ADCY2: variants seen among roughly 807,000 people sequenced by gnomAD.
ADCY2 encodes the protein adenylate cyclase type 2.
Under a neutral mutation model 125.2 loss-of-function variants are expected in ADCY2, and 31 were observed. The ratio of observed to expected loss-of-function variants is 0.25; its 90% CI spans 0.19 to 0.33. The LOEUF (loss-of-function observed/expected upper bound fraction) is 0.33. Ranked by LOEUF, ADCY2 falls within the 10% of genes least tolerant of loss-of-function variation. ADCY2 has a pLI of 1.00. For missense variants in ADCY2, 904 were observed against 1,418.2 expected (o/e 0.64, Z 5.82); for synonymous variants, 512 against 548.4 (o/e 0.93, Z 0.93).
intron 2 of ADCY2, among the ~76,000 whole-genome samples, chr5:7,447,026 T>A (rs140042360): frequency 6.6e-6 from 1 of 152,294 alleles, no homozygotes; most frequent in Non-Finnish European, 1.5e-5. Context: ...CTTGTTTTGT[T>A]AGCTGCAGGT....
At chr5:7,615,361 T>C (rs1238384092) in intron 3 of ADCY2, among the ~76,000 whole-genome samples, 2 of 152,206 alleles carry the variant, frequency 1.3e-5, no homozygotes, top group Non-Finnish European at 2.9e-5. Flanking sequence ...CAATAATTTT[T>C]AACTGTCACT....
At chr5:7,702,401 C>G (rs987412456) in intron 7 of ADCY2, among the ~76,000 whole-genome samples, 82 of 151,828 alleles carry the variant, frequency 5.4e-4, no homozygotes, top group Non-Finnish European at 9.6e-4. Flanking sequence ...ACGACAGGCC[C>G]CGGTATGTGA....
chr5:7,712,717 C>T, intron 10 of ADCY2, 139 bp from the exon 11 acceptor site: 1 of 649,192 alleles, frequency 1.5e-6, no homozygotes. Context: ...AGCTCTTTTT[C>T]TCCACATGAG....
chr5:7,422,330 C>T (rs35940114), intron 2 of ADCY2, among the ~76,000 whole-genome samples: 1,552 of 152,066 alleles, frequency 0.01, 9 homozygotes, highest in Non-Finnish European at 0.017. Context: ...TGTGAGCCAC[C>T]GTGCCCAGCC....
chr5:7,547,381 G>A lies in ADCY2; in HGVS notation c.570+26482G>A, dbSNP rs1260442697. On this transcript the variant is annotated intron_variant, in intron 3 of 24. Coordinates refer to ENST00000338316, the MANE Select transcript of ADCY2 (RefSeq NM_020546.3). ...TGAGCACCAGGCCTGGGTGGCATGGGTGGAGAGGCCCTAATGCAGTCCAGG... is the reference window on the plus strand; with the variant it reads ...TGAGCACCAGGCCTGGGTGGCATGGATGGAGAGGCCCTAATGCAGTCCAGG... 3.3e-5 allele frequency among the ~76,000 whole-genome samples: 5 copies of A among 152,294 alleles called. No individual in the cohort carries two copies. In the East Asian group the frequency reaches 9.7e-4, roughly 29 times the overall value.
At chr5:7,418,350 G>A (rs1306644954) in intron 2 of ADCY2, among the ~76,000 whole-genome samples, 1 of 152,138 alleles carries the variant, frequency 6.6e-6, no homozygotes, top group Non-Finnish European at 1.5e-5. Flanking sequence ...CCTGCCGCCT[G>A]GGGATGTTTC....
At chr5:7,712,444 G>A (rs1741468516) in intron 10 of ADCY2, among the ~76,000 whole-genome samples, 1 of 152,172 alleles carries the variant, frequency 6.6e-6, no homozygotes, top group African/African-American at 2.4e-5. Flanking sequence ...TACAGATTTT[G>A]TGGTTATATT....
At chr5:7,520,497 G>T (rs1199106717) in intron 2 of ADCY2, among the ~76,000 whole-genome samples, 1 of 152,184 alleles carries the variant, frequency 6.6e-6, no homozygotes, top group African/African-American at 2.4e-5. Context: ...TCATGGAGTG[G>T]TTTGGATACC....
At chr5:7,707,607 T>C (rs999643519) in intron 8 of ADCY2, 99 bp from the exon 9 acceptor site, 186 of 1,438,538 alleles carry the variant, frequency 1.3e-4, no homozygotes, top group Non-Finnish European at 1.6e-4. Flanking sequence ...TCCTAAGAAC[T>C]TTAGTGGATA....
intron 3 of ADCY2, among the ~76,000 whole-genome samples, chr5:7,621,133 A>G (rs1056598888): frequency 1.3e-5 from 2 of 152,212 alleles, no homozygotes; most frequent in Admixed American, 6.5e-5. Context: ...TTTAAAGACA[A>G]TGACCTGATA....
intron 15 of ADCY2, among the ~76,000 whole-genome samples, chr5:7,756,762 T>C (rs1332475354): frequency 6.6e-6 from 1 of 152,194 alleles, no homozygotes; most frequent in Non-Finnish European, 1.5e-5. Context: ...TACACAACAA[T>C]GTGAATGTGG....
intron 2 of ADCY2, among the ~76,000 whole-genome samples, chr5:7,461,535 A>T (rs1485281357): frequency 6.6e-6 from 1 of 152,232 alleles, no homozygotes; most frequent in African/African-American, 2.4e-5. Context: ...TGAAGCTATA[A>T]TTCTGTTTCC....
chr5:7,481,395 C>G (rs1742725023), intron 2 of ADCY2, among the ~76,000 whole-genome samples: 2 of 152,068 alleles, frequency 1.3e-5, no homozygotes, highest in Admixed American at 1.3e-4. Context: ...GCTTCCTGAG[C>G]AGCTGGGACT....
chr5:7,794,755 T>A (rs1744370835), intron 20 of ADCY2: 1 of 152,152 alleles, frequency 6.6e-6, no homozygotes, highest in Admixed American at 6.5e-5. Context: ...GAAGAATCTA[T>A]TTCCTTGACC....
Position 7,804,628 on chromosome 5 carries a change from C to A in ADCY2, c.2819C>A (p.Thr940Asn). 6.2e-7 allele frequency: 1 copy of A among 1,614,170 alleles called. No homozygotes were observed. The highest frequency in any genetic ancestry group is 8.5e-7 in the Non-Finnish European group (1 of 1,180,030). The change falls in exon 22 of 25, where the codon ACC becomes AAC. Residue 940 changes from threonine (T) to asparagine (N), a missense_variant. This residue lies in a region of ADCY2 where 181 missense variants were observed against 381.6 expected (regional missense o/e 0.47). Transcript: ENST00000338316. ...TTCAGTGGAGTTGAAAAGATTAAGA[C>A]CATTGGCAGCACATACATGGCAGCA... ...PKFSGVEKIK[T>N]IGSTYMAATG...
rs1178012833 is a variant in ADCY2 at position 7,709,354 on chromosome 5, C to A, written c.1545C>A (p.Ser515Arg). The A allele has an allele frequency of 6.2e-7, 1 of 1,610,266 alleles. No individual in the cohort carries two copies. The change falls in exon 10 of 25, where the codon AGC becomes AGA. Residue 515 changes from serine (S) to arginine (R), a missense_variant. Transcript: ENST00000338316. The surrounding 1 kb of genome is among the most constrained non-coding windows in gnomAD (Gnocchi z 4.4). ...TTGCACACCTACATCACAGGGACAG[C>A]ATGACCACAGAGAACGGCAAGATCA... ...KPFAHLHHRDSMTTENGKIST... is the reference protein window; with the variant it reads ...KPFAHLHHRDRMTTENGKIST...
At chr5:7,572,694 T>G (rs1227074289) in intron 3 of ADCY2, among the ~76,000 whole-genome samples, 3 of 152,208 alleles carry the variant, frequency 2.0e-5, no homozygotes, top group Non-Finnish European at 2.9e-5. Context: ...ATCTTCATCA[T>G]GAAATCTTTG....
chr5:7,799,168 A>G (rs1372644648), intron 20 of ADCY2: 2 of 152,246 alleles, frequency 1.3e-5, no homozygotes, highest in Non-Finnish European at 2.9e-5. Context: ...ATATGCTGAC[A>G]TGGGTCACCC....
intron 3 of ADCY2, among the ~76,000 whole-genome samples, chr5:7,524,131 C>T (rs776230236): frequency 6.6e-6 from 1 of 152,140 alleles, no homozygotes; most frequent in Non-Finnish European, 1.5e-5. Flanking sequence ...TGATGTATCA[C>T]CTAATTAAGG....
Sources: gnomAD v4.1 joint callset for allele counts (sites outside exome capture counted in the v4.1 genomes callset) on GRCh38, gnomAD v4.1.1 for gene constraint, gnomAD v4.1.1 regional missense constraint, Gnocchi (gnomAD v3.1) non-coding constraint, MANE v1.5 for transcripts, NCBI Gene and HGNC (gene_info 2026-07-23, HGNC 2026-07-21) for gene names.